The following MEI4 variants were observed in gnomAD, a reference collection of about 807,000 sequenced individuals.
MEI4 encodes the protein meiosis-specific protein MEI4.
In MEI4, 27 loss-of-function variants were observed where a neutral mutation model predicts 31.4. That is an observed-to-expected ratio of 0.86 (90% confidence interval 0.63 to 1.19). MEI4 has a LOEUF of 1.19. Ranked by LOEUF, MEI4 falls within the 50% of genes most tolerant of loss-of-function variation. MEI4 has a pLI of 0.00. For missense variants in MEI4, 329 were observed against 398.9 expected, an observed-to-expected ratio of 0.82 and a Z score of 1.49; for synonymous variants, 122 against 145.4, an observed-to-expected ratio of 0.84 and a Z score of 1.16.
chr6:77,830,326 C>G (rs760324822), intron 4 of MEI4, among the ~76,000 whole-genome samples: 8 of 151,858 alleles, frequency 5.3e-5, no homozygotes, highest in Non-Finnish European at 8.8e-5. Context: ...TAATTGAATT[C>G]GATTGTTTGG....
At chr6:77,684,615 G>A (rs1769019044) in intron 1 of MEI4, among the ~76,000 whole-genome samples, 1 of 151,956 alleles carries the variant, frequency 6.6e-6, no homozygotes, top group African/African-American at 2.4e-5. Flanking sequence ...TTGTCTTTCT[G>A]TCCCTGGCTT....
chr6:77,806,432 A>G (rs1317643194), intron 3 of MEI4, among the ~76,000 whole-genome samples: 1 of 152,126 alleles, frequency 6.6e-6, no homozygotes, highest in African/African-American at 2.4e-5. Flanking sequence ...AGGAATCTGT[A>G]ATATATGATT....
intron 2 of MEI4, among the ~76,000 whole-genome samples, chr6:77,747,629 G>A (rs1767650440): frequency 6.6e-6 from 1 of 152,148 alleles, no homozygotes; most frequent in South Asian, 2.1e-4. Context: ...TACAGTTCAA[G>A]ATGAGATTTG....
chr6:77,790,416 G>C (rs1449709865), intron 3 of MEI4, among the ~76,000 whole-genome samples: 1 of 151,668 alleles, frequency 6.6e-6, no homozygotes, highest in African/African-American at 2.4e-5. Context: ...AAATAACATT[G>C]AATGATAAAA....
At chr6:77,862,547 C>T (rs193116864) in intron 4 of MEI4, among the ~76,000 whole-genome samples, 81 of 152,234 alleles carry the variant, frequency 5.3e-4, no homozygotes, top group South Asian at 2.1e-3. Context: ...GCCATTGCAC[C>T]GAGGCTTGAG....
At chr6:77,879,138 A>G (rs1036992363) in intron 4 of MEI4, among the ~76,000 whole-genome samples, 1 of 152,178 alleles carries the variant, frequency 6.6e-6, no homozygotes, top group Non-Finnish European at 1.5e-5. Flanking sequence ...ATGTATATGT[A>G]TAGTTATTTT....
rs1185766950 is a variant in MEI4 at position 77,820,710 on chromosome 6, A to G, written c.769-8221A>G. 6.6e-6 allele frequency among the ~76,000 whole-genome samples: 1 copy of G among 151,732 alleles called. No individual in the cohort carries two copies. Among genetic ancestry groups the G allele is most frequent in the African/African-American group, 2.4e-5 (1 of 41,290 alleles). On this transcript the variant is annotated intron_variant, in intron 3 of 4. Transcript: ENST00000684080. The surrounding 1 kb of genome is among the most constrained non-coding windows in gnomAD (Gnocchi z 4.5). ...ATTATAAGCTAATACATATTTTGTG[A>G]CAGTAGTTTGAAGATACTAGATCAA...
At chr6:77,750,650 G>C (rs549908719) in intron 2 of MEI4, among the ~76,000 whole-genome samples, 9 of 152,266 alleles carry the variant, frequency 5.9e-5, no homozygotes, top group African/African-American at 1.9e-4. Context: ...AAGAGACTTA[G>C]ACTCCCACAC....
chr6:77,775,839 C>A (rs995199370), intron 3 of MEI4, among the ~76,000 whole-genome samples: 11 of 152,140 alleles, frequency 7.2e-5, no homozygotes, highest in African/African-American at 2.7e-4. Flanking sequence ...TCTCTTTTAA[C>A]TGCATCCATG....
chr6:77,687,498 G>GAGTT (rs1769079922), intron 1 of MEI4, among the ~76,000 whole-genome samples: 1 of 152,026 alleles, frequency 6.6e-6, no homozygotes, highest in East Asian at 1.9e-4. Flanking sequence ...TAACTACCTG[G>GAGTT]AGTTAGCTTC....
chr6:77,776,819 C>A (rs1232949192), intron 3 of MEI4, among the ~76,000 whole-genome samples: 3 of 152,054 alleles, frequency 2.0e-5, no homozygotes, highest in Non-Finnish European at 2.9e-5. Flanking sequence ...TAGGTCATGG[C>A]AAGGAGTTTG....
chr6:77,737,023 G>A (rs768516281), intron 2 of MEI4, among the ~76,000 whole-genome samples: 5 of 152,142 alleles, frequency 3.3e-5, no homozygotes, highest in Non-Finnish European at 5.9e-5. Flanking sequence ...AGCATGAGGA[G>A]GTGTTCTAGA....
chr6:77,796,783 A>G (rs943696229), intron 3 of MEI4, among the ~76,000 whole-genome samples: 2 of 152,212 alleles, frequency 1.3e-5, no homozygotes, highest in African/African-American at 4.8e-5. Flanking sequence ...CTACAGATTC[A>G]GTGCCATCCA....
chr6:77,870,926 G>T (rs141044226), intron 4 of MEI4, among the ~76,000 whole-genome samples: 7 of 152,174 alleles, frequency 4.6e-5, no homozygotes, highest in Non-Finnish European at 8.8e-5. Flanking sequence ...GTGTAGGTTT[G>T]GTTTGAGGGA....
chr6:77,726,735 G>A (rs1170046563), intron 2 of MEI4, among the ~76,000 whole-genome samples: 2 of 152,118 alleles, frequency 1.3e-5, no homozygotes, highest in African/African-American at 4.8e-5. Flanking sequence ...GGAGAAGATA[G>A]GTGTATTCTA....
At chr6:77,837,990 G>T (rs1210079598) in intron 4 of MEI4, among the ~76,000 whole-genome samples, 1 of 151,948 alleles carries the variant, frequency 6.6e-6, no homozygotes, top group Admixed American at 6.6e-5. Flanking sequence ...TACAGTTTTT[G>T]GGGGTCTCAT....
intron 4 of MEI4, among the ~76,000 whole-genome samples, chr6:77,870,711 C>T (rs1169347576): frequency 2.2e-5 from 1 of 46,250 alleles, no homozygotes; most frequent in East Asian, 1.9e-3. Flanking sequence ...CTCAGTGAAG[C>T]TTGATATGCT....
intron 2 of MEI4, among the ~76,000 whole-genome samples, chr6:77,745,358 C>T (rs1222996184): frequency 6.6e-6 from 1 of 152,046 alleles, no homozygotes; most frequent in Non-Finnish European, 1.5e-5. Flanking sequence ...CAACAAAGAT[C>T]AAAAGACACA....
At chr6:77,781,242 A>C (rs1768590412) in intron 3 of MEI4, among the ~76,000 whole-genome samples, 1 of 152,202 alleles carries the variant, frequency 6.6e-6, no homozygotes, top group South Asian at 2.1e-4. Flanking sequence ...ATCTGACACT[A>C]CTATATTTAC....
Sources: allele counts gnomAD v4.1 joint callset (sites outside exome capture counted in the v4.1 genomes callset), GRCh38; gene constraint gnomAD v4.1.1; non-coding constraint Gnocchi (gnomAD v3.1); transcripts MANE v1.5; gene names NCBI Gene and HGNC (gene_info 2026-07-23, HGNC 2026-07-21).